The following UCKL1 variants were observed in gnomAD, a reference collection of about 807,000 sequenced individuals.
UCKL1 encodes uridine-cytidine kinase-like 1.
UCKL1 carries 65 observed loss-of-function variants against 59.2 expected under a neutral mutation model. That is an observed-to-expected ratio of 1.10 (90% CI 0.90 to 1.35). The LOEUF (loss-of-function observed/expected upper bound fraction) is 1.35, where lower values mean the gene tolerates loss of function less well. Ranked by LOEUF, UCKL1 falls within the 40% of genes most tolerant of loss-of-function variation. The pLI, the probability that UCKL1 is intolerant of heterozygous loss-of-function variation, is 0.00. For synonymous variants in UCKL1, 410 were observed against 323.1 expected, an observed-to-expected ratio of 1.27 and a Z score of -2.88; for missense variants, 703 against 784.3, an observed-to-expected ratio of 0.90 and a Z score of 1.24.
intron 7 of UCKL1, among the ~76,000 whole-genome samples, chr20:63,944,163 CT>C (rs1239270076): frequency 6.6e-6 from 1 of 152,246 alleles, no homozygotes; most frequent in Non-Finnish European, 1.5e-5. Context: ...TCCTGAGCAC[CT>C]GTACCCCCAC....
In UCKL1 at chr20:63,956,374, G is replaced by C; in HGVS notation, c.-2C>G. On this transcript the variant is annotated 5_prime_UTR_variant, in exon 1 of 15. Transcript: ENST00000354216. ...CGCGCGGGCCGGGGGCGCAGCCATG[G>C]CGCTCGGAGGCCTCTTTGCGGGCCT... is the stretch of plus-strand genomic sequence containing the variant. The C allele has an allele frequency of 6.7e-7, 1 of 1,495,982 alleles. No individual in the cohort carries two copies. The highest frequency in any genetic ancestry group is 8.9e-7 in the Non-Finnish European group (1 of 1,125,134). 92.7% of individuals were successfully genotyped at this position (1,495,982 alleles called of 1,614,324 possible). A position where few individuals can be genotyped will look rare whatever the true frequency, so the allele number is the denominator to read the frequency against.
rs767380137 is a variant in UCKL1 at position 63,956,302 on chromosome 20, G to A, written c.71C>T (p.Pro24Leu). The change falls in exon 1 of 15, where the codon CCA (proline) becomes CTA (leucine). Residue 24 changes from proline (P) to leucine (L), a missense_variant. By Grantham distance (98) the Pro-to-Leu change is moderately conservative. Around this residue, in one of 4 missense-constraint regions of UCKL1, gnomAD observed 398 missense variants for 373.0 expected, o/e 1.07. Transcript: ENST00000354216. ...CTCGCTTTTCTCAGCCTGCCGGCCT[G>A]GTGTGTCTCGGGCCGTAGGTGGCGA... ...PTSPPTARDT[P>L]GRQAEKSETA... 4 of 1,563,532 alleles carry A rather than the reference G, an allele frequency of 2.6e-6. No individual in the cohort carries two copies. In the African/African-American group the frequency reaches 4.3e-5, roughly 17 times the overall value.
In UCKL1 at chr20:63,939,962, G is replaced by A. The variant is rs1363947126; in HGVS notation, c.*14C>T. The A allele has an allele frequency of 1.2e-6, 2 of 1,611,926 alleles. No homozygotes were observed. Among genetic ancestry groups the A allele is most frequent in the Admixed American group, 1.7e-5 (1 of 60,008 alleles). The stretch of plus-strand genomic sequence containing the variant: ...AGGAGGAGGGTGGTGGGGACGGGAT[G>A]GCTCACTGGGCAGCTAACCCGTGTA... On this transcript the variant is annotated 3_prime_UTR_variant, in exon 15 of 15. Coordinates refer to ENST00000354216, the MANE Select transcript of UCKL1 (RefSeq NM_017859.4).
intron 7 of UCKL1, among the ~76,000 whole-genome samples, chr20:63,944,154 C>G (rs889305422): frequency 6.6e-6 from 1 of 152,240 alleles, no homozygotes; most frequent in Non-Finnish European, 1.5e-5. Context: ...TCGGCTGGGT[C>G]CTGAGCACCT....
intron 8 of UCKL1, among the ~76,000 whole-genome samples, chr20:63,943,087 C>T (rs2055089382): frequency 6.6e-6 from 1 of 152,190 alleles, no homozygotes; most frequent in Admixed American, 6.5e-5. Context: ...TGGGGAGGGA[C>T]AGTGGGATGC....
chr20:63,943,133 C>T (rs1474898831), intron 8 of UCKL1, among the ~76,000 whole-genome samples: 1 of 152,236 alleles, frequency 6.6e-6, no homozygotes, highest in East Asian at 1.9e-4. Flanking sequence ...GCTGCAGTTG[C>T]CCAGTTCCTG....
chr20:63,941,681 G>A (rs905103937), intron 8 of UCKL1: 1 of 215,400 alleles, frequency 4.6e-6, no homozygotes. Flanking sequence ...GGGGGGTGGG[G>A]GGCAAAGCTG....
intron 1 of UCKL1, chr20:63,955,963 C>G (rs1318940592): frequency 3.6e-6 from 1 of 276,850 alleles, no homozygotes; most frequent in Non-Finnish European, 6.9e-6. Context: ...GCCCGCCGGG[C>G]GCTCGAGGCC....
chr20:63,942,415 C>T, intron 8 of UCKL1: 8 of 1,170,970 alleles, frequency 6.8e-6, no homozygotes, highest in Non-Finnish European at 8.6e-6. Flanking sequence ...AGCAGCGGGG[C>T]AAGGGGCTAC....
At chr20:63,945,625 G>T in intron 5 of UCKL1, 26 bp downstream of exon 5, 1 of 1,611,170 alleles carries the variant, frequency 6.2e-7, no homozygotes, top group Non-Finnish European at 8.5e-7. Context: ...ATACCAGCGG[G>T]GTGGGTATTC....
chr20:63,940,776 G>A lies in UCKL1; in HGVS notation c.1179+18C>T. The A allele has an allele frequency of 1.3e-6, 2 of 1,599,468 alleles. No individual in the cohort carries two copies. Among genetic ancestry groups the A allele is most frequent in the South Asian group, 2.2e-5 (2 of 89,830 alleles). On this transcript the variant is annotated intron_variant, in intron 11 of 14. Transcript: ENST00000354216. The stretch of plus-strand genomic sequence containing the variant: ...CCCCAGCAGCCTGTCCCGCGCCCAG[G>A]TGTGCCCAGGCAGGTACCTGCTTCC...
chr20:63,942,949 C>T (rs1238595707), intron 8 of UCKL1, among the ~76,000 whole-genome samples: 1 of 152,164 alleles, frequency 6.6e-6, no homozygotes, highest in African/African-American at 2.4e-5. Context: ...CAACATTTGG[C>T]AAACTCTTTG....
At position 63,942,540 on chromosome 20, in the gene UCKL1, G is replaced by A. The variant is rs979397237; in HGVS notation, c.923+1113C>T. 5.5e-6 allele frequency: 6 copies of A among 1,097,952 alleles called. No homozygotes were observed. The African/African-American group carries it at 1.0e-4, about 18-fold the overall frequency. 68.0% of individuals were successfully genotyped at this position (1,097,952 alleles called of 1,614,324 possible). ...CAGGGAGGGAACAAGGCAGGAAACG[G>A]GGGTTTACAGAGAGAAGGAAGAGAA... On this transcript the variant is annotated intron_variant, in intron 8 of 14. Coordinates refer to ENST00000354216, the MANE Select transcript of UCKL1 (RefSeq NM_017859.4).
In UCKL1 at chr20:63,940,591, C is replaced by A; in HGVS notation, c.1302+3G>T. 1 of 1,607,596 alleles carries A rather than the reference C, an allele frequency of 6.2e-7. No individual in the cohort carries two copies. The stretch of plus-strand genomic sequence containing the variant: ...GCTCATCACCCCGGCTGCCCCCAGG[C>A]ACCTCGGGCTCCCCGGTAAGCTGGT... On this transcript the variant is annotated splice_donor_region_variant and intron_variant, in intron 12 of 14. Transcript: ENST00000354216.
At chr20:63,951,122 G>T in intron 1 of UCKL1, 1 of 1,117,744 alleles carries the variant, frequency 8.9e-7, no homozygotes, top group Non-Finnish European at 1.1e-6. Context: ...AGCCTCCACC[G>T]TACTGAGGGA....
chr20:63,941,069 G>C (rs1416269611), intron 9 of UCKL1, 26 bp from the exon 10 acceptor site: 6 of 1,599,242 alleles, frequency 3.8e-6, no homozygotes, highest in Non-Finnish European at 5.1e-6. Flanking sequence ...TTGAGCGGGA[G>C]CACGCGCCCG....
chr20:63,944,641 C>G lies in UCKL1; in HGVS notation c.748G>C (p.Glu250Gln), dbSNP rs369768152. ...TTGTTGTACTGCTTGATGACACCCTCGATGTCCCGGCCGCGCTCACTGATG... is the reference window on the plus strand; with the variant it reads ...TTGTTGTACTGCTTGATGACACCCTGGATGTCCCGGCCGCGCTCACTGATG... ...RDISERGRDI[E>Q]GVIKQYNKFV... The change falls in exon 6 of 15, where the codon GAG becomes CAG. Residue 250 changes from glutamate (E) to glutamine (Q), a missense_variant. Physicochemically the swap from Glu to Gln is conservative, Grantham distance 29 (BLOSUM62 2). Coordinates refer to ENST00000354216, the MANE Select transcript of UCKL1 (RefSeq NM_017859.4). The G allele has an allele frequency of 6.2e-7, 1 of 1,613,050 alleles. No individual in the cohort carries two copies. The highest frequency in any genetic ancestry group is 1.3e-5 in the African/African-American group (1 of 75,058).
chr20:63,946,809 G>A (rs974471855), intron 1 of UCKL1, among the ~76,000 whole-genome samples, 166 bp from the exon 2 acceptor site: 1 of 152,250 alleles, frequency 6.6e-6, no homozygotes, highest in South Asian at 2.1e-4. Context: ...TGGGCGTGGT[G>A]GCTCATGCCT....
At chr20:63,943,403 G>A (rs188637168) in intron 8 of UCKL1, among the ~76,000 whole-genome samples, 17 of 152,318 alleles carry the variant, frequency 1.1e-4, no homozygotes, top group Non-Finnish European at 1.6e-4. Flanking sequence ...AGTCAGGGGA[G>A]CCTCCAGCAA....
Sources: gnomAD v4.1 joint callset for allele counts (sites outside exome capture counted in the v4.1 genomes callset) on GRCh38, gnomAD v4.1.1 for gene constraint, gnomAD v4.1.1 regional missense constraint, MANE v1.5 for transcripts, NCBI Gene and HGNC (gene_info 2026-07-23, HGNC 2026-07-21) for gene names.